CDH18: variants seen among roughly 807,000 people sequenced by gnomAD.
CDH18 encodes the protein cadherin 18.
A neutral mutation model predicts 67.9 loss-of-function variants in CDH18; 31 were observed. The ratio of observed to expected loss-of-function variants is 0.46; its 90% CI spans 0.34 to 0.62. The LOEUF (loss-of-function observed/expected upper bound fraction) is 0.62, where lower values mean the gene tolerates loss of function less well. CDH18 is among the 20% of genes least tolerant of loss of function. The pLI, the probability that CDH18 is intolerant of heterozygous loss-of-function variation, is 0.01. For missense variants in CDH18, 890 were observed against 975.5 expected (o/e 0.91, Z 1.17); for synonymous variants, 362 against 347.2 (o/e 1.04, Z -0.48).
At chr5:20,464,808 A>G (rs1396202021) in intron 1 of CDH18, among the ~76,000 whole-genome samples, 1 of 152,144 alleles carries the variant, frequency 6.6e-6, no homozygotes, top group African/African-American at 2.4e-5. Context: ...AATGCTATAA[A>G]TAAAACCCTG....
At chr5:20,218,481 A>G (rs1219319484) in intron 2 of CDH18, among the ~76,000 whole-genome samples, 1 of 151,958 alleles carries the variant, frequency 6.6e-6, no homozygotes, top group Admixed American at 6.6e-5. Flanking sequence ...GATAATGAAA[A>G]CACAATATAC....
chr5:20,348,371 G>T (rs1561993262), intron 1 of CDH18, among the ~76,000 whole-genome samples: 1 of 152,054 alleles, frequency 6.6e-6, no homozygotes, highest in Non-Finnish European at 1.5e-5. Context: ...CAAAATGTAG[G>T]TTGACAAGAA....
chr5:20,026,243 C>T (rs896114688), intron 2 of CDH18, among the ~76,000 whole-genome samples: 1 of 152,104 alleles, frequency 6.6e-6, no homozygotes, highest in Non-Finnish European at 1.5e-5. Context: ...GATCTGTTGC[C>T]AGGCAGATGA....
chr5:20,135,842 AT>A (rs1749667463), intron 2 of CDH18, among the ~76,000 whole-genome samples: 1 of 152,058 alleles, frequency 6.6e-6, no homozygotes, highest in South Asian at 2.1e-4. Flanking sequence ...CCTTCATTTC[AT>A]TATGTACGTA....
chr5:20,357,949 C>A (rs929615182), intron 1 of CDH18, among the ~76,000 whole-genome samples: 3 of 152,070 alleles, frequency 2.0e-5, no homozygotes, highest in Admixed American at 2.0e-4. Context: ...TTAATATATA[C>A]CATGGAGTAC....
intron 2 of CDH18, among the ~76,000 whole-genome samples, chr5:20,207,653 T>C (rs1740011475): frequency 6.6e-6 from 1 of 152,044 alleles, no homozygotes; most frequent in Non-Finnish European, 1.5e-5. Flanking sequence ...GAAAGACCCA[T>C]GCTGTGATCC....
intron 1 of CDH18, among the ~76,000 whole-genome samples, chr5:20,270,969 C>T (rs753000488): frequency 6.6e-6 from 1 of 151,948 alleles, no homozygotes; most frequent in South Asian, 2.1e-4. Flanking sequence ...ACAACACACA[C>T]TGGGGCATAT....
At chr5:19,947,681 T>C (rs1216992208) in intron 2 of CDH18, among the ~76,000 whole-genome samples, 1 of 150,704 alleles carries the variant, frequency 6.6e-6, no homozygotes, top group East Asian at 1.9e-4. Flanking sequence ...AACAATTGCT[T>C]GAACCTGGGA....
At position 19,802,830 on chromosome 5, in the gene CDH18, G is replaced by T. The variant is rs1006271526; in HGVS notation, c.228+35929C>A. On this transcript the variant is annotated intron_variant, in intron 3 of 12. Coordinates refer to ENST00000382275, the MANE Select transcript of CDH18 (RefSeq NM_004934.5). Reference sequence around the variant, plus strand: ...AGACCAAGGGAAAAATATTATTTACGGTTGTGTTATCAAGAACAAAGAAGT... The same window carrying T: ...AGACCAAGGGAAAAATATTATTTACTGTTGTGTTATCAAGAACAAAGAAGT... Among the ~76,000 whole-genome samples, 29 of 152,148 alleles carry T rather than the reference G, an allele frequency of 1.9e-4. 1 individual carries two copies. Among genetic ancestry groups the T allele is most frequent in the Admixed American group, 1.9e-3 (29 of 15,278 alleles).
chr5:19,592,673 G>A lies in CDH18; in HGVS notation c.812-1429C>T, dbSNP rs146722320. On this transcript the variant is annotated intron_variant, in intron 6 of 12. Coordinates refer to ENST00000382275, the MANE Select transcript of CDH18 (RefSeq NM_004934.5). ...TGAAAATATCATTTTTTATTATTGT[G>A]ATAAGAACACTTAATATGAGATCCA... Among the ~76,000 whole-genome samples, 14 of 152,120 alleles carry A rather than the reference G, an allele frequency of 9.2e-5. No individual in the cohort carries two copies. In the East Asian group the frequency reaches 2.5e-3, roughly 27 times the overall value.
intron 5 of CDH18, among the ~76,000 whole-genome samples, chr5:19,665,172 A>T (rs13160543): frequency 0.6 from 90,642 of 151,324 alleles, 28,609 homozygotes; most frequent in South Asian, 0.74. Flanking sequence ...AACATTATGA[A>T]GTGTGAAATA....
At chr5:19,822,078 A>C (rs1266405766) in intron 3 of CDH18, among the ~76,000 whole-genome samples, 1 of 152,198 alleles carries the variant, frequency 6.6e-6, no homozygotes, top group Non-Finnish European at 1.5e-5. Context: ...AACAGCTAAC[A>C]ACATCACAAC....
At chr5:20,333,557 GTA>G (rs1367317159) in intron 1 of CDH18, among the ~76,000 whole-genome samples, 6 of 134,590 alleles carry the variant, frequency 4.5e-5, no homozygotes, top group African/African-American at 8.7e-5. Flanking sequence ...ACACATATAT[GTA>G]TATATATATA....
chr5:20,478,376 C>A (rs187072335), intron 1 of CDH18, among the ~76,000 whole-genome samples: 1 of 152,226 alleles, frequency 6.6e-6, no homozygotes, highest in East Asian at 1.9e-4. Flanking sequence ...TGTCTGCTGC[C>A]CTGAAGGCAG....
chr5:20,185,818 C>G (rs551575007), intron 2 of CDH18, among the ~76,000 whole-genome samples: 1 of 151,922 alleles, frequency 6.6e-6, no homozygotes, highest in African/African-American at 2.4e-5. Flanking sequence ...TGACACTATC[C>G]CCCTTCCCAC....
chr5:20,453,069 T>C (rs1213989061), intron 1 of CDH18, among the ~76,000 whole-genome samples: 1 of 152,194 alleles, frequency 6.6e-6, no homozygotes, highest in Admixed American at 6.6e-5. Flanking sequence ...GGTATACTTT[T>C]ACTTGTCTTG....
At chr5:19,908,537 GT>G (rs1321107306) in intron 2 of CDH18, among the ~76,000 whole-genome samples, 1 of 152,060 alleles carries the variant, frequency 6.6e-6, no homozygotes, top group African/African-American at 2.4e-5. Context: ...AATTTGTATA[GT>G]TTTATAAACT....
At chr5:20,222,497 A>G (rs551078472) in intron 2 of CDH18, among the ~76,000 whole-genome samples, 1 of 152,328 alleles carries the variant, frequency 6.6e-6, no homozygotes, top group South Asian at 2.1e-4. Context: ...CTCCACAACA[A>G]TGTGGCTTCT....
chr5:20,263,511 T>C lies in CDH18; in HGVS notation c.-579-8006A>G, dbSNP rs73056704. Among the ~76,000 whole-genome samples the C allele has an allele frequency of 3.3e-3, 502 of 152,304 alleles. 3 individuals are homozygous for C. The highest frequency in any genetic ancestry group is 0.011 in the African/African-American group (477 of 41,570). ...CTTAAATAATTTCCTGATGAGATTA[T>C]TGATATTAGCAATTGTGATTTTTAA... On this transcript the variant is annotated intron_variant, in intron 1 of 14. Transcript: ENST00000507958.
Sources: gnomAD v4.1 joint callset for allele counts (sites outside exome capture counted in the v4.1 genomes callset) on GRCh38, gnomAD v4.1.1 for gene constraint, MANE v1.5 for transcripts, NCBI Gene and HGNC (gene_info 2026-07-23, HGNC 2026-07-21) for gene names.